PKNOX1: variants seen among roughly 807,000 people sequenced by gnomAD.
The protein encoded by PKNOX1 is homeobox protein PKNOX1.
In PKNOX1, 15 loss-of-function variants were observed where a neutral mutation model predicts 51.9. The ratio of observed to expected loss-of-function variants is 0.29; its 90% CI spans 0.19 to 0.45. The LOEUF is 0.45. Ranked by LOEUF, PKNOX1 falls within the 20% of genes least tolerant of loss-of-function variation. PKNOX1 has a pLI of 1.00. For synonymous variants in PKNOX1, 219 were observed against 211.1 expected (o/e 1.04, Z -0.32); for missense variants, 462 against 547.5 (o/e 0.84, Z 1.56).
intron 6 of PKNOX1, 86 bp from the exon 7 acceptor site, chr21:43,018,047 C>CAAAAAAAAAAAA (rs60175567): frequency 4.5e-4 from 126 of 279,800 alleles, no homozygotes; most frequent in East Asian, 1.0e-3. Flanking sequence ...CCTGTCTCTA[C>CAAAAAAAAAAAA]AAAAAAAAAA....
At chr21:43,013,902 ATAT>A (rs1213805579) in intron 5 of PKNOX1, among the ~76,000 whole-genome samples, 9 of 151,716 alleles carry the variant, frequency 5.9e-5, no homozygotes, top group Admixed American at 1.3e-4. Flanking sequence ...ATATGTAGTG[ATAT>A]TAATATTTCT....
In PKNOX1 at chr21:43,007,435, G is replaced by T. The variant is rs779412456; in HGVS notation, c.52-56G>T. ...CCAACTGCATTCCTGTTGGAGCATG[G>T]AATACCTCGTAGTAGTTTGTGTTTG... On this transcript the variant is annotated intron_variant, in intron 2 of 10. Coordinates refer to ENST00000291547, the MANE Select transcript of PKNOX1 (RefSeq NM_004571.5). 1,107 of 1,565,008 alleles carry T rather than the reference G, an allele frequency of 7.1e-4. 4 individuals carry two copies. The highest frequency in any genetic ancestry group is 8.9e-4 in the Non-Finnish European group (1,015 of 1,136,802).
chr21:42,987,618 CTTTTT>C (rs34065433), intron 1 of PKNOX1, among the ~76,000 whole-genome samples: 4 of 113,152 alleles, frequency 3.5e-5, no homozygotes, highest in Middle Eastern at 4.2e-3. Flanking sequence ...ATGGTTTCTA[CTTTTT>C]TTTTTTTTTT....
At chr21:42,987,404 A>ATATATATATATATATATATATAT (rs1555858104) in intron 1 of PKNOX1, among the ~76,000 whole-genome samples, 4 of 41,414 alleles carry the variant, frequency 9.7e-5, no homozygotes, top group South Asian at 7.7e-4. Flanking sequence ...AAAAAAAAAA[A>ATATATATATATATATATATATAT]ATATATATAT....
At chr21:42,996,248 A>T (rs1231383144) in intron 1 of PKNOX1, among the ~76,000 whole-genome samples, 5 of 152,118 alleles carry the variant, frequency 3.3e-5, no homozygotes, top group Non-Finnish European at 7.4e-5. Context: ...GATGATCATG[A>T]TAGGTATAGG....
intron 4 of PKNOX1, among the ~76,000 whole-genome samples, chr21:43,010,656 C>A (rs1317939723): frequency 1.3e-5 from 2 of 151,948 alleles, no homozygotes; most frequent in Admixed American, 6.6e-5. Context: ...TCGAGACCAG[C>A]CTGGCCAACA....
At chr21:43,014,316 T>C (rs369913716) in intron 5 of PKNOX1, among the ~76,000 whole-genome samples, 41 of 152,056 alleles carry the variant, frequency 2.7e-4, no homozygotes, top group African/African-American at 7.9e-4. Flanking sequence ...CTACCACGCC[T>C]GGCCGTCTTT....
intron 8 of PKNOX1, 49 bp from the exon 9 acceptor site, chr21:43,024,822 T>G: frequency 8.1e-7 from 1 of 1,228,584 alleles, no homozygotes; most frequent in Admixed American, 1.8e-5. Context: ...TCGTCTTGAT[T>G]TCCTTTGTAA....
intron 1 of PKNOX1, among the ~76,000 whole-genome samples, chr21:42,991,311 C>G (rs2059085990): frequency 6.6e-6 from 1 of 151,074 alleles, no homozygotes; most frequent in Non-Finnish European, 1.5e-5. Flanking sequence ...ACAGCCAGAC[C>G]CCATCTCTAC....
At chr21:42,975,768 G>A (rs2058993413) in intron 1 of PKNOX1, among the ~76,000 whole-genome samples, 1 of 152,262 alleles carries the variant, frequency 6.6e-6, no homozygotes, top group Non-Finnish European at 1.5e-5. Flanking sequence ...CCACCTGTGT[G>A]TGGGGTTCTC....
chr21:43,029,444 T>TTTTTTTTTTTTC (rs1980142301), intron 10 of PKNOX1, among the ~76,000 whole-genome samples: 1 of 70,208 alleles, frequency 1.4e-5, no homozygotes, highest in Non-Finnish European at 2.9e-5. Context: ...TTTTTTTTTT[T>TTTTTTTTTTTTC]TGAGACAGAG....
chr21:43,029,831 ATAAAGTGTTTTTCTG>A, intron 10 of PKNOX1, 44 bp from the exon 11 acceptor site: 2 of 1,420,500 alleles, frequency 1.4e-6, no homozygotes, highest in East Asian at 4.6e-5. Flanking sequence ...CAATTGAGTA[ATAAAGTGTTTTTCTG>A]TGAGTACTAA....
intron 7 of PKNOX1, 35 bp downstream of exon 7, chr21:43,018,265 G>T: frequency 7.2e-7 from 1 of 1,381,084 alleles, no homozygotes; most frequent in Non-Finnish European, 1.0e-6. Flanking sequence ...CTTTGGGGGC[G>T]AGTGCTGCCC....
intron 1 of PKNOX1, among the ~76,000 whole-genome samples, chr21:42,993,907 A>G (rs1255209264): frequency 1.4e-5 from 2 of 145,686 alleles, no homozygotes; most frequent in East Asian, 4.1e-4. Flanking sequence ...TAATTTTTGT[A>G]TTTTTAGTAG....
intron 1 of PKNOX1, among the ~76,000 whole-genome samples, chr21:42,978,473 T>TG (rs1568885028): frequency 4.0e-5 from 4 of 100,184 alleles, no homozygotes; most frequent in Admixed American, 8.9e-5. Context: ...AACTTGTTTT[T>TG]TTCTTTTCTT....
intron 1 of PKNOX1, among the ~76,000 whole-genome samples, chr21:42,975,276 G>T (rs916117309): frequency 2.7e-5 from 4 of 150,854 alleles, no homozygotes; most frequent in African/African-American, 9.7e-5. Flanking sequence ...TGGCGAGCGG[G>T]TGGGTCGGGG....
At chr21:42,986,586 T>C (rs2059053522) in intron 1 of PKNOX1, among the ~76,000 whole-genome samples, 1 of 152,206 alleles carries the variant, frequency 6.6e-6, no homozygotes, top group African/African-American at 2.4e-5. Flanking sequence ...GAATAGGAGC[T>C]GTGGAAGCCA....
At chr21:42,997,299 G>A (rs1303294675) in intron 1 of PKNOX1, among the ~76,000 whole-genome samples, 4 of 152,204 alleles carry the variant, frequency 2.6e-5, no homozygotes, top group African/African-American at 7.2e-5. Context: ...GTCAGCAGAC[G>A]CTGCCTGTGT....
intron 6 of PKNOX1, 39 bp from the exon 7 acceptor site, chr21:43,018,094 A>G: frequency 1.1e-6 from 1 of 901,850 alleles, no homozygotes; most frequent in Non-Finnish European, 1.8e-6. Context: ...AATCATTGAG[A>G]CTTAAAAGCA....
Sources: gnomAD v4.1 joint callset for allele counts (sites outside exome capture counted in the v4.1 genomes callset) on GRCh38, gnomAD v4.1.1 for gene constraint, MANE v1.5 for transcripts, NCBI Gene and HGNC (gene_info 2026-07-23, HGNC 2026-07-21) for gene names.